XKR4: variants seen among roughly 807,000 people sequenced by gnomAD.
XKR4 encodes the protein XK related 4, also known as XK-related protein 4.
A neutral mutation model predicts 53.9 loss-of-function variants in XKR4; 12 were observed. That is an observed-to-expected ratio of 0.22 (90% CI 0.14 to 0.36). The LOEUF (loss-of-function observed/expected upper bound fraction) is 0.36. Among genes scored for constraint, XKR4 ranks in the 10% least tolerant of loss-of-function variants. The probability of loss-of-function intolerance (pLI) is 1.00; values close to 1 mark genes in which losing one functional copy is unlikely to be tolerated. For synonymous variants in XKR4, 354 were observed against 362.4 expected, an observed-to-expected ratio of 0.98 and a Z score of 0.26; for missense variants, 799 against 859.5, an observed-to-expected ratio of 0.93 and a Z score of 0.88.
At chr8:55,346,081 C>CTT (rs796574998) in intron 1 of XKR4, among the ~76,000 whole-genome samples, 6 of 137,596 alleles carry the variant, frequency 4.4e-5, no homozygotes, top group Admixed American at 7.3e-5. Context: ...TTTTCTTTTT[C>CTT]TTTTTTTTTT....
chr8:55,295,079 T>C (rs1819083238), intron 1 of XKR4, among the ~76,000 whole-genome samples: 1 of 152,210 alleles, frequency 6.6e-6, no homozygotes, highest in South Asian at 2.1e-4. Context: ...ACGCATTTTA[T>C]TATCATTATT....
At chr8:55,364,214 A>C (rs1340096628) in intron 2 of XKR4, among the ~76,000 whole-genome samples, 1 of 152,128 alleles carries the variant, frequency 6.6e-6, no homozygotes, top group Non-Finnish European at 1.5e-5. Context: ...GACAGTTCTG[A>C]CGTCCTTAAT....
intron 2 of XKR4, among the ~76,000 whole-genome samples, chr8:55,371,090 G>T (rs560211663): frequency 4.7e-5 from 7 of 148,386 alleles, no homozygotes; most frequent in Non-Finnish European, 9.0e-5. Flanking sequence ...TATGCAAAAT[G>T]GTACAAGGGA....
At position 55,103,094 on chromosome 8, in the gene XKR4, C is replaced by T. The variant is rs976131832; in HGVS notation, c.606C>T (p.Ala202=). Residue 202 remains alanine (A), a synonymous_variant, in exon 1 of 3, where the codon GCC becomes GCT. Transcript: ENST00000327381. ...CKTVVGGGSA[A]GEGEARPSTP... is the part of the protein sequence containing the mutation. ...CGGTGGTCGGCGGTGGGTCTGCAGC[C>T]GGGGAAGGCGAGGCTCGTCCTTCCA... The T allele has an allele frequency of 2.5e-6, 4 of 1,612,936 alleles. No homozygotes were observed. Among genetic ancestry groups the T allele is most frequent in the East Asian group, 2.2e-5 (1 of 44,840 alleles).
intron 2 of XKR4, among the ~76,000 whole-genome samples, chr8:55,406,554 T>G (rs1241355005): frequency 1.3e-5 from 2 of 152,230 alleles, no homozygotes; most frequent in African/African-American, 4.8e-5. Context: ...AGGTCTTACC[T>G]ACTTCCTGTT....
At chr8:55,364,505 G>A (rs1003810635) in intron 2 of XKR4, among the ~76,000 whole-genome samples, 1 of 152,234 alleles carries the variant, frequency 6.6e-6, no homozygotes. Context: ...TCCCCAGGCA[G>A]GGTTGTCTGA....
In XKR4 at chr8:55,532,030, C is replaced by G. The variant is rs4440613; in HGVS notation, c.*7803C>G. ...GTGATTGGCTTCCCACATATATAAG[C>G]AGCAGATTGTTAAAGATCACTATTA... On this transcript the variant is annotated 3_prime_UTR_variant, in exon 3 of 3. Transcript: ENST00000327381. The G allele has an allele frequency of 0.28, 42,415 of 152,140 alleles. 6,248 individuals are homozygous for G. Among genetic ancestry groups the G allele is most frequent in the East Asian group, 0.47 (2,427 of 5,172 alleles). 9.4% of individuals were successfully genotyped at this position (152,140 alleles called of 1,614,324 possible).
intron 1 of XKR4, among the ~76,000 whole-genome samples, chr8:55,186,395 C>T (rs1161145852): frequency 1.3e-5 from 2 of 152,118 alleles, no homozygotes; most frequent in African/African-American, 2.4e-5. Flanking sequence ...GTGGCTCATG[C>T]CTGTAATTGC....
intron 2 of XKR4, among the ~76,000 whole-genome samples, chr8:55,368,327 G>A (rs1213321202): frequency 6.6e-6 from 1 of 152,140 alleles, no homozygotes; most frequent in Non-Finnish European, 1.5e-5. Context: ...ATTAAATGAA[G>A]TACAAACTGG....
intron 1 of XKR4, among the ~76,000 whole-genome samples, chr8:55,239,931 C>T (rs1818185748): frequency 6.6e-6 from 1 of 152,190 alleles, no homozygotes; most frequent in African/African-American, 2.4e-5. Context: ...AATGGTCTCT[C>T]CCCAGACCTC....
chr8:55,250,821 T>C (rs1392168160), intron 1 of XKR4, among the ~76,000 whole-genome samples: 3 of 152,238 alleles, frequency 2.0e-5, no homozygotes, highest in Non-Finnish European at 4.4e-5. Context: ...ACTCATACTT[T>C]TTGAATAATT....
At chr8:55,338,889 A>G (rs955248361) in intron 1 of XKR4, among the ~76,000 whole-genome samples, 1 of 152,236 alleles carries the variant, frequency 6.6e-6, no homozygotes, top group Non-Finnish European at 1.5e-5. Flanking sequence ...TTCTTAGGCC[A>G]GTAAGATTGC....
At chr8:55,192,167 G>A (rs1227705879) in intron 1 of XKR4, among the ~76,000 whole-genome samples, 3 of 147,646 alleles carry the variant, frequency 2.0e-5, no homozygotes, top group Non-Finnish European at 4.5e-5. Flanking sequence ...GACTATAATG[G>A]TTTGTGGAAT....
intron 2 of XKR4, among the ~76,000 whole-genome samples, chr8:55,438,817 G>T (rs1206107526): frequency 6.6e-6 from 1 of 152,130 alleles, no homozygotes; most frequent in African/African-American, 2.4e-5. Context: ...GACAAGAGAG[G>T]CTATAAACAA....
At chr8:55,136,851 G>A (rs1353765727) in intron 1 of XKR4, among the ~76,000 whole-genome samples, 3 of 152,158 alleles carry the variant, frequency 2.0e-5, no homozygotes, top group Non-Finnish European at 4.4e-5. Context: ...CTTCCCACAT[G>A]TATTACAGTT....
chr8:55,199,263 C>A (rs1278579185), intron 1 of XKR4, among the ~76,000 whole-genome samples: 1 of 152,132 alleles, frequency 6.6e-6, no homozygotes, highest in Non-Finnish European at 1.5e-5. Flanking sequence ...AGGGGAATAT[C>A]AGAATTCAGC....
At chr8:55,260,335 T>C (rs1246081436) in intron 1 of XKR4, among the ~76,000 whole-genome samples, 1 of 152,214 alleles carries the variant, frequency 6.6e-6, no homozygotes, top group Non-Finnish European at 1.5e-5. Context: ...GTGACCTCAA[T>C]TAAACAAGTA....
chr8:55,247,112 A>G (rs1433516574), intron 1 of XKR4, among the ~76,000 whole-genome samples: 1 of 152,190 alleles, frequency 6.6e-6, no homozygotes, highest in Non-Finnish European at 1.5e-5. Context: ...TCATGTTCCA[A>G]TATTTTTAAG....
intron 1 of XKR4, among the ~76,000 whole-genome samples, chr8:55,143,769 A>G (rs1392383807): frequency 1.3e-5 from 2 of 152,200 alleles, no homozygotes; most frequent in South Asian, 2.1e-4. Flanking sequence ...TTGTTATTCA[A>G]TTCTACAGAC....
Sources: allele counts gnomAD v4.1 joint callset (sites outside exome capture counted in the v4.1 genomes callset), GRCh38; gene constraint gnomAD v4.1.1; transcripts MANE v1.5; gene names NCBI Gene and HGNC (gene_info 2026-07-23, HGNC 2026-07-21).